Variants in PIGU observed in about 807,000 individuals in gnomAD.
PIGU encodes the protein phosphatidylinositol glycan anchor biosynthesis class U.
A neutral mutation model predicts 49.9 loss-of-function variants in PIGU; 24 were observed. The ratio of observed to expected loss-of-function variants is 0.48; its 90% CI spans 0.35 to 0.68. PIGU has a LOEUF of 0.68. Among genes scored for constraint, PIGU ranks in the 30% least tolerant of loss-of-function variants. The pLI, the probability that PIGU is intolerant of heterozygous loss-of-function variation, is 0.01. For synonymous variants in PIGU, 220 were observed against 205.7 expected (o/e 1.07, Z -0.59); for missense variants, 490 against 532.6 (o/e 0.92, Z 0.79).
At chr20:34,608,276 G>A (rs1393881854) in intron 7 of PIGU, among the ~76,000 whole-genome samples, 1 of 151,892 alleles carries the variant, frequency 6.6e-6, no homozygotes, top group Non-Finnish European at 1.5e-5. Context: ...GTTTCACCAT[G>A]TTGTCCAGGC....
intron 4 of PIGU, among the ~76,000 whole-genome samples, chr20:34,641,184 T>C (rs2146767387): frequency 6.6e-6 from 1 of 152,316 alleles, no homozygotes; most frequent in East Asian, 1.9e-4. Context: ...CCCAAAGTGT[T>C]GGGATTACAG....
chr20:34,667,368 C>G (rs1987135309), intron 1 of PIGU, among the ~76,000 whole-genome samples: 1 of 152,076 alleles, frequency 6.6e-6, no homozygotes, highest in African/African-American at 2.4e-5. Context: ...ATAACATTCT[C>G]TAATAAAAGG....
At chr20:34,625,206 T>C (rs931889855) in intron 6 of PIGU, among the ~76,000 whole-genome samples, 1 of 151,742 alleles carries the variant, frequency 6.6e-6, no homozygotes, top group Non-Finnish European at 1.5e-5. Flanking sequence ...ACCCCGTCTC[T>C]ACTAAAAATG....
intron 6 of PIGU, among the ~76,000 whole-genome samples, chr20:34,625,768 G>T (rs1985461634): frequency 1.3e-5 from 2 of 150,208 alleles, no homozygotes; most frequent in South Asian, 4.4e-4. Context: ...AACCCAACTA[G>T]GCATGGTGGT....
chr20:34,620,780 G>A (rs1231316946), intron 6 of PIGU, among the ~76,000 whole-genome samples: 4 of 130,966 alleles, frequency 3.1e-5, no homozygotes, highest in African/African-American at 8.8e-5. Flanking sequence ...CACTGCACGC[G>A]ACACAGCAAG....
chr20:34,609,058 T>C (rs894325066), intron 7 of PIGU, among the ~76,000 whole-genome samples: 3 of 151,996 alleles, frequency 2.0e-5, no homozygotes, highest in Non-Finnish European at 4.4e-5. Flanking sequence ...GGCGGGAGGA[T>C]TGCTGTAGCT....
chr20:34,581,657 G>C lies in PIGU; in HGVS notation c.942C>G (p.Phe314Leu). Residue 314 changes from phenylalanine (F) to leucine (L), a missense_variant, in exon 10 of 12, where the codon TTC becomes TTG. Physicochemically the swap from Phe to Leu is conservative, Grantham distance 22. Coordinates refer to ENST00000217446, the MANE Select transcript of PIGU (RefSeq NM_080476.5). ...LAIKLKEHPIFFMFIQIAVIA... is the reference protein window; with the variant it reads ...LAIKLKEHPILFMFIQIAVIA... ...TGACAGCGATCTGGATAAACATGAA[G>C]AAGATGGGGTGCTCCCTGGGGCAGG... The C allele has an allele frequency of 6.2e-7, 1 of 1,613,218 alleles. No homozygotes were observed. Among genetic ancestry groups the C allele is most frequent in the Non-Finnish European group, 8.5e-7 (1 of 1,179,852 alleles).
At chr20:34,663,659 G>C (rs1986994730) in intron 1 of PIGU, among the ~76,000 whole-genome samples, 1 of 152,136 alleles carries the variant, frequency 6.6e-6, no homozygotes, top group Non-Finnish European at 1.5e-5. Flanking sequence ...CAAGACCGTT[G>C]TAACTGGTCC....
In PIGU at chr20:34,643,033, AT is replaced by A. The variant is rs559156321; in HGVS notation, c.318+1130del. On this transcript the variant is annotated intron_variant, in intron 4 of 11. Transcript: ENST00000217446. ...CCTCAGCTTATGAAACCCATGCCCA[AT>A]TATTTCATCTACGGCCCTCAAGAGA... 7.4e-4 allele frequency among the ~76,000 whole-genome samples: 113 copies of A among 151,988 alleles called. 1 individual carries two copies. Among genetic ancestry groups the A allele is most frequent in the Non-Finnish European group, 1.5e-3 (100 of 68,000 alleles).
chr20:34,661,030 AAATT>A (rs1986912255), intron 1 of PIGU, among the ~76,000 whole-genome samples: 1 of 126,262 alleles, frequency 7.9e-6, no homozygotes, highest in Non-Finnish European at 1.9e-5. Flanking sequence ...AATTATTTTA[AAATT>A]AAGAGTTAAA....
At chr20:34,672,676 G>A (rs1264296503) in intron 1 of PIGU, among the ~76,000 whole-genome samples, 1 of 151,390 alleles carries the variant, frequency 6.6e-6, no homozygotes, top group African/African-American at 2.4e-5. Flanking sequence ...AATATATTGA[G>A]ACCCCATCTC....
chr20:34,589,370 T>C (rs1983852652), intron 7 of PIGU, among the ~76,000 whole-genome samples: 1 of 152,260 alleles, frequency 6.6e-6, no homozygotes, highest in Non-Finnish European at 1.5e-5. Context: ...CTTTCCTTTG[T>C]TTGAGACAGA....
chr20:34,563,229 A>G (rs564908541), intron 11 of PIGU, among the ~76,000 whole-genome samples: 6 of 152,322 alleles, frequency 3.9e-5, no homozygotes. Flanking sequence ...CTTTTCCCCT[A>G]TAAGCCTTAA....
At chr20:34,644,007 G>A (rs887935847) in intron 4 of PIGU, 157 bp downstream of exon 4, 3 of 585,874 alleles carry the variant, frequency 5.1e-6, no homozygotes, top group East Asian at 6.0e-5. Flanking sequence ...TGGGTTTGGG[G>A]TTGATCATTC....
chr20:34,592,045 G>A (rs1334552740), intron 7 of PIGU, among the ~76,000 whole-genome samples: 9 of 151,996 alleles, frequency 5.9e-5, no homozygotes, highest in South Asian at 2.1e-4. Flanking sequence ...AAAATTAGCC[G>A]GGCGTGGTGG....
chr20:34,570,423 A>ATTTTTTTT (rs748089105), intron 11 of PIGU, among the ~76,000 whole-genome samples: 1 of 149,496 alleles, frequency 6.7e-6, no homozygotes, highest in African/African-American at 2.5e-5. Context: ...ATTTATTTTT[A>ATTTTTTTT]TTTTTTTTTG....
chr20:34,623,983 T>C (rs1380584285), intron 6 of PIGU, among the ~76,000 whole-genome samples: 1 of 152,136 alleles, frequency 6.6e-6, no homozygotes, highest in Admixed American at 6.6e-5. Context: ...TCTTCCATTG[T>C]TCCTCTAAGG....
chr20:34,666,060 C>T (rs1987080658), intron 1 of PIGU, among the ~76,000 whole-genome samples: 1 of 152,100 alleles, frequency 6.6e-6, no homozygotes, highest in South Asian at 2.1e-4. Context: ...GTGGCATGCA[C>T]TTGTAGTCTC....
At chr20:34,658,950 A>AG (rs1986816101) in intron 1 of PIGU, among the ~76,000 whole-genome samples, 1 of 122,174 alleles carries the variant, frequency 8.2e-6, no homozygotes, top group Admixed American at 8.0e-5. Flanking sequence ...AGGGAGGCGG[A>AG]GGGGTCAGCC....
Sources: allele counts gnomAD v4.1 joint callset (sites outside exome capture counted in the v4.1 genomes callset), GRCh38; gene constraint gnomAD v4.1.1; transcripts MANE v1.5; gene names NCBI Gene and HGNC (gene_info 2026-07-23, HGNC 2026-07-21).